IGSF9: variants seen among roughly 807,000 people sequenced by gnomAD.
The protein encoded by IGSF9 is immunoglobulin superfamily member 9.
A neutral mutation model predicts 121.7 loss-of-function variants in IGSF9; 87 were observed. That is an observed-to-expected ratio of 0.71 (90% confidence interval 0.60 to 0.85). The LOEUF (loss-of-function observed/expected upper bound fraction) is 0.85. IGSF9 is among the 40% of genes least tolerant of loss of function. The pLI, the probability that IGSF9 is intolerant of heterozygous loss-of-function variation, is 0.00. For synonymous variants in IGSF9, 640 were observed against 648.4 expected, an observed-to-expected ratio of 0.99 and a Z score of 0.20; for missense variants, 1,462 against 1,565.3, an observed-to-expected ratio of 0.93 and a Z score of 1.11.
rs1213392406 is a variant in IGSF9, at chr1:159,943,066, G to A, written c.144C>T (p.Gly48=). The A allele has an allele frequency of 1.2e-6, 2 of 1,612,672 alleles. No individual in the cohort carries two copies. Among genetic ancestry groups the A allele is most frequent in the Non-Finnish European group, 8.5e-7 (1 of 1,179,454 alleles). ...ACTCGATGACATGCAGGGGGGGCCG[G>A]CCGGCCGGGGGCAGCAGGTCACAGC... ...VLGCDLLPPA[G]RPPLHVIEWL... is the part of the protein sequence containing the mutation. The change falls in exon 3 of 21, where the codon GGC becomes GGT. Residue 48 remains glycine (G), a synonymous_variant. Transcript: ENST00000368094.
rs1651481801 is a variant in IGSF9 at position 159,943,559 on chromosome 1, A to C, written c.-105T>G. On this transcript the variant is annotated 5_prime_UTR_variant, in exon 2 of 21. Transcript: ENST00000368094. Reference sequence around the variant, plus strand: ...GCTCAGGGAACAGGTTTCAGCTCTCACTCTTCTGTACAGTGAGGGCTTGGC... The same window carrying C: ...GCTCAGGGAACAGGTTTCAGCTCTCCCTCTTCTGTACAGTGAGGGCTTGGC... The C allele has an allele frequency of 6.5e-6, 7 of 1,076,958 alleles. No individual in the cohort carries two copies. Among genetic ancestry groups the C allele is most frequent in the Non-Finnish European group, 9.0e-6 (7 of 779,238 alleles). The allele number at this position is 1,076,958 out of a possible 1,614,324, so 66.7% of individuals were successfully genotyped here. A position where few individuals can be genotyped will look rare whatever the true frequency, so the allele number is the denominator to read the frequency against.
chr1:159,940,331 T>TC (rs1169640699), intron 3 of IGSF9, among the ~76,000 whole-genome samples: 1 of 152,218 alleles, frequency 6.6e-6, no homozygotes. Flanking sequence ...ATACTGCATG[T>TC]CCTAGCTTTT....
chr1:159,930,657 TTGTCTCTGC>T, intron 14 of IGSF9, 26 bp downstream of exon 14: 1 of 1,612,712 alleles, frequency 6.2e-7, no homozygotes, highest in Non-Finnish European at 8.5e-7. Context: ...TTCCCCATCC[TTGTCTCTGC>T]TGTTCTGGGA....
Position 159,932,169 on chromosome 1 carries a change from A to G in IGSF9, c.1246-241T>C. The G allele has an allele frequency of 1.8e-6, 1 of 566,016 alleles. No homozygotes were observed. Among genetic ancestry groups the G allele is most frequent in the Non-Finnish European group, 3.1e-6 (1 of 320,868 alleles). 35.1% of individuals were successfully genotyped at this position (566,016 alleles called of 1,614,324 possible). On this transcript the variant is annotated intron_variant, in intron 10 of 20. Coordinates refer to ENST00000368094, the MANE Select transcript of IGSF9 (RefSeq NM_001135050.2). The surrounding 1 kb of genome is among the most constrained non-coding windows in gnomAD (Gnocchi z 4.1). ...AAATGGTGGTGTAGTAAGGGCTGGC[A>G]GGCTTAGGCAGGACTCTCAGAGATG...
chr1:159,931,283 G>T lies in IGSF9; in HGVS notation c.1514-22C>A. Reference sequence around the variant, plus strand: ...GTGCCTAGGCAGGGGGGAATGGAGGGATGGTGGTCAGGGCCTGAGGGAGTG... The same window carrying T: ...GTGCCTAGGCAGGGGGGAATGGAGGTATGGTGGTCAGGGCCTGAGGGAGTG... On this transcript the variant is annotated intron_variant, in intron 12 of 20. Coordinates refer to ENST00000368094, the MANE Select transcript of IGSF9 (RefSeq NM_001135050.2). The surrounding 1 kb of genome is among the most constrained non-coding windows in gnomAD (Gnocchi z 4.8). 6.2e-7 allele frequency: 1 copy of T among 1,614,040 alleles called. No individual in the cohort carries two copies. The highest frequency in any genetic ancestry group is 8.5e-7 in the Non-Finnish European group (1 of 1,179,930).
Position 159,937,841 on chromosome 1 carries a change from G to T in IGSF9, c.248-3C>A, listed in dbSNP as rs1170155748. 1.2e-6 allele frequency: 2 copies of T among 1,612,924 alleles called. No individual in the cohort carries two copies. Among genetic ancestry groups the T allele is most frequent in the South Asian group, 2.2e-5 (2 of 90,968 alleles). Reference sequence around the variant, plus strand: ...CCCCTTCTGCAGCCGGACTCGTCCTGGGGGAGGAGCCCTGAATCAAGGGTG... The same window carrying T: ...CCCCTTCTGCAGCCGGACTCGTCCTTGGGGAGGAGCCCTGAATCAAGGGTG... On this transcript the variant is annotated splice_region_variant and splice_polypyrimidine_tract_variant and intron_variant, in intron 3 of 20. Transcript: ENST00000368094.
chr1:159,931,921 G>A lies in IGSF9; in HGVS notation c.1253C>T (p.Pro418Leu). Residue 418 changes from proline to leucine, a missense_variant, in exon 11 of 21, where the codon CCA (proline) becomes CTA (leucine). Pro to Leu is a moderately conservative substitution (Grantham distance 98, BLOSUM62 -3). Coordinates refer to ENST00000368094, the MANE Select transcript of IGSF9 (RefSeq NM_001135050.2). The surrounding 1 kb of genome is among the most constrained non-coding windows in gnomAD (Gnocchi z 4.8). The part of the protein sequence containing the change: ...PVTRVLLKAP[P>L]AFIERPKEEY... ...TTCCTTGGGCCGCTCTATAAAAGCT[G>A]GGGGAGCCTGCAAGCCAGATCTGGC... 6.3e-7 allele frequency: 1 copy of A among 1,588,336 alleles called. No individual in the cohort carries two copies.
At chr1:159,929,133 G>C in intron 18 of IGSF9, 115 bp from the exon 19 acceptor site, 3 of 1,410,918 alleles carry the variant, frequency 2.1e-6, no homozygotes, top group Non-Finnish European at 2.9e-6. Flanking sequence ...AAGAACAAGC[G>C]AGGAAAGGAC....
chr1:159,931,981 C>G lies in IGSF9; in HGVS notation c.1246-53G>C. 1 of 1,129,496 alleles carries G rather than the reference C, an allele frequency of 8.9e-7. No individual in the cohort carries two copies. Among genetic ancestry groups the G allele is most frequent in the Non-Finnish European group, 1.3e-6 (1 of 771,512 alleles). The allele number at this position is 1,129,496 out of a possible 1,614,324, so 70.0% of individuals were successfully genotyped here. Reference sequence around the variant, plus strand: ...GGCCCTCTCTTACATCTAAGGCTGGCTACTCCCTCTCTCTGTGCTCCCTGT... The same window carrying G: ...GGCCCTCTCTTACATCTAAGGCTGGGTACTCCCTCTCTCTGTGCTCCCTGT... On this transcript the variant is annotated intron_variant, in intron 10 of 20. Transcript: ENST00000368094. The surrounding 1 kb of genome is among the most constrained non-coding windows in gnomAD (Gnocchi z 4.8).
At position 159,931,829 on chromosome 1, in the gene IGSF9, CAGG is replaced by C; in HGVS notation, c.1342_1344del (p.Pro448del). On this transcript the variant is annotated inframe_deletion, in exon 11 of 21. Coordinates refer to ENST00000368094, the MANE Select transcript of IGSF9 (RefSeq NM_001135050.2). This position sits in a 1 kb window ranked among gnomAD's most constrained non-coding sequence, Gnocchi z 4.8. The stretch of plus-strand genomic sequence containing the variant: ...AGCCTTACCTTGGTCCAAGAGACAA[CAGG>C]AGGAGGGTCCCCTTGGGCGGAGCAG... 1 of 1,582,538 alleles carries C rather than the reference CAGG, an allele frequency of 6.3e-7. No homozygotes were observed. Among genetic ancestry groups the C allele is most frequent in the Non-Finnish European group, 8.6e-7 (1 of 1,166,816 alleles).
chr1:159,934,510 C>T lies in IGSF9; in HGVS notation c.876G>A (p.Gln292=), dbSNP rs778247109. ...AGGTGTAGCAGCCGGCATCATCAGG[C>T]TGGGTGGCCAGCAGCCGCAGGCTCC... ...VDGSLRLLAT[Q]PDDAGCYTCV... Residue 292 remains glutamine (Q), a synonymous_variant, in exon 8 of 21, where the codon CAG becomes CAA. Transcript: ENST00000368094. 13 of 1,613,118 alleles carry T rather than the reference C, an allele frequency of 8.1e-6. No homozygotes were observed. The South Asian group carries it at 1.1e-4, about 14-fold the overall frequency.
Position 159,928,853 on chromosome 1 carries a change from A to T in IGSF9, c.2535T>A (p.Ile845=). ...CAAAGCGCCCGTCTGGGCCCCGGCAAATGGGCTCCAGAGGTAAGGGTCCCC... is the reference window on the plus strand; with the variant it reads ...CAAAGCGCCCGTCTGGGCCCCGGCATATGGGCTCCAGAGGTAAGGGTCCCC... ...SSRGPLPLEP[I]CRGPDGRFVM... is the part of the protein sequence containing the mutation. The change falls in exon 19 of 21, where the codon ATT becomes ATA. Residue 845 remains isoleucine (I), a synonymous_variant. Coordinates refer to ENST00000368094, the MANE Select transcript of IGSF9 (RefSeq NM_001135050.2). The T allele has an allele frequency of 6.4e-7, 1 of 1,572,704 alleles. No homozygotes were observed. Among genetic ancestry groups the T allele is most frequent in the Non-Finnish European group, 8.6e-7 (1 of 1,161,734 alleles).
intron 1 of IGSF9, among the ~76,000 whole-genome samples, chr1:159,945,201 C>G (rs1651542171): frequency 6.6e-6 from 1 of 151,884 alleles, no homozygotes; most frequent in Non-Finnish European, 1.5e-5. Flanking sequence ...TCCCCACCCC[C>G]CAGCCACTTC....
chr1:159,928,879 G>A lies in IGSF9; in HGVS notation c.2509C>T (p.Arg837Trp), dbSNP rs774555800. 1.4e-5 allele frequency: 22 copies of A among 1,594,392 alleles called. No homozygotes were observed. In the South Asian group the frequency reaches 2.0e-4, roughly 15 times the overall value. Residue 837 changes from arginine (R) to tryptophan (W), a missense_variant, in exon 19 of 21, where the codon CGG becomes TGG. By Grantham distance (101) the Arg-to-Trp change is moderately radical. Around this residue, in one of 3 missense-constraint regions of IGSF9, gnomAD observed 808 missense variants for 815.2 expected, o/e 0.99. Coordinates refer to ENST00000368094, the MANE Select transcript of IGSF9 (RefSeq NM_001135050.2). Reference protein sequence around the residue: ...PSPHPDPPSSRGPLPLEPICR... With the variant: ...PSPHPDPPSSWGPLPLEPICR... ...ATGGGCTCCAGAGGTAAGGGTCCCC[G>A]GCTAGATGGAGGATCCGGGTGGGGG...
At position 159,928,276 on chromosome 1, in the gene IGSF9, A is replaced by AG. The variant is rs1193773558; in HGVS notation, c.3111dup (p.Ser1038LeufsTer26). On this transcript the variant is annotated frameshift_variant, in exon 19 of 21. Coordinates refer to ENST00000368094, the MANE Select transcript of IGSF9 (RefSeq NM_001135050.2). LOFTEE classifies it high-confidence loss of function. ...CTGCCTCCTGCAGAGGGGGCTGTGG[A>AG]GGGGGGCCGCAGGAACGAAGCGCTG... is the stretch of plus-strand genomic sequence containing the variant. The AG allele has an allele frequency of 1.2e-6, 2 of 1,612,672 alleles. No individual in the cohort carries two copies. Among genetic ancestry groups the AG allele is most frequent in the Non-Finnish European group, 8.5e-7 (1 of 1,179,752 alleles).
At chr1:159,940,236 G>T (rs970676390) in intron 3 of IGSF9, among the ~76,000 whole-genome samples, 15 of 152,230 alleles carry the variant, frequency 9.9e-5, no homozygotes, top group Admixed American at 9.8e-4. Context: ...TCAGGGCACT[G>T]GGGGTAATCT....
rs745310503 is a variant in IGSF9, at chr1:159,943,116, G to A, written c.94C>T (p.Arg32Trp). The change falls in exon 3 of 21, where the codon CGG becomes TGG. Residue 32 changes from arginine (R) to tryptophan (W), a missense_variant. Transcript: ENST00000368094. ...CCCAGCACCACACTCTCCCCAGCCC[G>A]GCCCACCACCGATACCACCTCAGGC... ...GKPEVVSVVG[R>W]AGESVVLGCD... is the part of the protein sequence containing the mutation. The A allele has an allele frequency of 1.2e-5, 19 of 1,597,768 alleles. No individual in the cohort carries two copies. The highest frequency in any genetic ancestry group is 1.7e-4 in the Middle Eastern group (1 of 5,968).
In IGSF9 at chr1:159,941,686, C is replaced by T. The variant is rs112729217; in HGVS notation, c.247+1277G>A. Among the ~76,000 whole-genome samples the T allele has an allele frequency of 3.9e-5, 6 of 152,372 alleles. 1 individual carries two copies. Among genetic ancestry groups the T allele is most frequent in the African/African-American group, 9.6e-5 (4 of 41,598 alleles). On this transcript the variant is annotated intron_variant, in intron 3 of 20. Coordinates refer to ENST00000368094, the MANE Select transcript of IGSF9 (RefSeq NM_001135050.2). ...CCCTCCCTCTTCCACCTCCCCTTGC[C>T]TTGCCCTCAGTCAGGCAACATTATG...
At position 159,932,621 on chromosome 1, in the gene IGSF9, GA is replaced by G; in HGVS notation, c.1135del (p.Ser379HisfsTer2). The G allele has an allele frequency of 6.2e-7, 1 of 1,613,796 alleles. No homozygotes were observed. The highest frequency in any genetic ancestry group is 8.5e-7 in the Non-Finnish European group (1 of 1,179,768). On this transcript the variant is annotated frameshift_variant, in exon 10 of 21. Coordinates refer to ENST00000368094, the MANE Select transcript of IGSF9 (RefSeq NM_001135050.2). LOFTEE classifies it high-confidence loss of function. The surrounding 1 kb of genome is among the most constrained non-coding windows in gnomAD (Gnocchi z 4.1). Reference protein sequence around the residue: ...FPGWSQGTEGSLIIALGNEDA... With the variant: ...FPGWSQGTEGXLIIALGNEDA... ...CTCGTTCCCCAGGGCGATGATCAGT[GA>G]GCCTTCTGTGCCCTGGGACCAGCCA... is the stretch of plus-strand genomic sequence containing the variant.
Sources: gnomAD v4.1 joint callset for allele counts (sites outside exome capture counted in the v4.1 genomes callset) on GRCh38, gnomAD v4.1.1 for gene constraint, gnomAD v4.1.1 regional missense constraint, Gnocchi (gnomAD v3.1) non-coding constraint, MANE v1.5 for transcripts, NCBI Gene and HGNC (gene_info 2026-07-23, HGNC 2026-07-21) for gene names.